RNLS: variants seen among roughly 807,000 people sequenced by gnomAD.
RNLS encodes renalase.
RNLS carries 39 observed loss-of-function variants against 39.8 expected under a neutral mutation model. That is an observed-to-expected ratio of 0.98 (90% CI 0.76 to 1.28). The LOEUF (loss-of-function observed/expected upper bound fraction) is 1.28, where lower values mean the gene tolerates loss of function less well. Ranked by LOEUF, RNLS falls within the 50% of genes most tolerant of loss-of-function variation. The pLI is 0.00. For missense variants in RNLS, 410 were observed against 413.3 expected (o/e 0.99, Z 0.07); for synonymous variants, 147 against 150.7 (o/e 0.98, Z 0.18).
At chr10:88,319,307 A>G (rs993149235) in intron 5 of RNLS, among the ~76,000 whole-genome samples, 1 of 152,244 alleles carries the variant, frequency 6.6e-6, no homozygotes, top group African/African-American at 2.4e-5. Flanking sequence ...AAATTAAAAA[A>G]TAAACGTGAC....
chr10:88,473,425 A>AACAC (rs112846794), intron 4 of RNLS, among the ~76,000 whole-genome samples: 39 of 150,582 alleles, frequency 2.6e-4, no homozygotes, highest in Admixed American at 5.3e-4. Context: ...TGGGTAGTAA[A>AACAC]ACACACACAC....
At chr10:88,412,868 GCTC>G (rs1171735874) in intron 4 of RNLS, among the ~76,000 whole-genome samples, 1 of 152,194 alleles carries the variant, frequency 6.6e-6, no homozygotes, top group African/African-American at 2.4e-5. Flanking sequence ...AATAGCAGAT[GCTC>G]CCTAAATATT....
intron 4 of RNLS, among the ~76,000 whole-genome samples, chr10:88,367,291 C>T (rs898607165): frequency 2.0e-5 from 3 of 152,002 alleles, no homozygotes; most frequent in Admixed American, 6.6e-5. Context: ...ATTACTTTAG[C>T]TGTTTTTGAA....
chr10:88,458,113 T>TTGGAA (rs1205929429), intron 4 of RNLS, among the ~76,000 whole-genome samples: 10 of 152,220 alleles, frequency 6.6e-5, no homozygotes, highest in Non-Finnish European at 1.3e-4. Context: ...AGGACATCCA[T>TTGGAA]CATGGGTTGG....
chr10:88,496,694 T>G (rs1448933111), intron 4 of RNLS, among the ~76,000 whole-genome samples: 1 of 152,100 alleles, frequency 6.6e-6, no homozygotes, highest in Non-Finnish European at 1.5e-5. Context: ...AACACTTGAT[T>G]TCATAGAGGA....
At chr10:88,421,023 C>T (rs1273362986) in intron 4 of RNLS, among the ~76,000 whole-genome samples, 1 of 152,198 alleles carries the variant, frequency 6.6e-6, no homozygotes, top group African/African-American at 2.4e-5. Flanking sequence ...ATGCTGAGAC[C>T]ACTGAGGAAC....
the RNLS span, among the ~76,000 whole-genome samples, chr10:88,207,405 G>C: frequency 0.01 from 1,546 of 152,084 alleles, 31 homozygotes; most frequent in African/African-American, 0.034. Context: ...TATATGAATA[G>C]CAAATAAACA....
intron 5 of RNLS, among the ~76,000 whole-genome samples, chr10:88,349,606 A>G (rs1344823482): frequency 6.6e-6 from 1 of 152,142 alleles, no homozygotes; most frequent in African/African-American, 2.4e-5. Context: ...CCTGGTCCCC[A>G]TATTTGGTTT....
At chr10:88,265,060 C>T in the RNLS span, among the ~76,000 whole-genome samples, 2 of 152,118 alleles carry the variant, frequency 1.3e-5, no homozygotes, top group African/African-American at 4.8e-5. Flanking sequence ...ATGTGGCTTG[C>T]CAATTAGCCC....
intron 5 of RNLS, among the ~76,000 whole-genome samples, chr10:88,354,316 G>A (rs1361252479): frequency 1.3e-5 from 2 of 152,156 alleles, no homozygotes; most frequent in Admixed American, 6.6e-5. Flanking sequence ...AGCATCAATG[G>A]TCTTTACAAT....
intron 5 of RNLS, among the ~76,000 whole-genome samples, chr10:88,330,499 A>G (rs1847032267): frequency 6.6e-6 from 1 of 152,150 alleles, no homozygotes; most frequent in African/African-American, 2.4e-5. Flanking sequence ...TTATAATTAA[A>G]TAATATAGGC....
the RNLS span, among the ~76,000 whole-genome samples, chr10:88,220,453 G>A: frequency 6.6e-6 from 1 of 152,160 alleles, no homozygotes; most frequent in African/African-American, 2.4e-5. Context: ...GCTTTCAGCT[G>A]CATGAAATAC....
chr10:88,277,326 G>A (rs925364445), intron 6 of RNLS, among the ~76,000 whole-genome samples: 1 of 152,010 alleles, frequency 6.6e-6, no homozygotes, highest in African/African-American at 2.4e-5. Context: ...GGTGCCTGCC[G>A]GGGAGGTGGG....
chr10:88,561,669 A>G (rs1044019117), intron 4 of RNLS, among the ~76,000 whole-genome samples: 1 of 152,270 alleles, frequency 6.6e-6, no homozygotes, highest in South Asian at 2.1e-4. Context: ...CAGGAAGTCA[A>G]GTATCTATTA....
chr10:88,498,687 C>T (rs1228133059), intron 4 of RNLS, among the ~76,000 whole-genome samples: 1 of 151,644 alleles, frequency 6.6e-6, no homozygotes, highest in Non-Finnish European at 1.5e-5. Context: ...TTTAAGAAGG[C>T]ACACAATGGA....
chr10:88,185,422 T>A, the RNLS span, among the ~76,000 whole-genome samples: 8 of 152,310 alleles, frequency 5.3e-5, no homozygotes, highest in Admixed American at 4.6e-4. Flanking sequence ...ATTGTTTTTT[T>A]AAATTCAATC....
intron 4 of RNLS, among the ~76,000 whole-genome samples, chr10:88,522,583 A>G (rs1846824720): frequency 1.3e-5 from 2 of 152,104 alleles, no homozygotes; most frequent in African/African-American, 2.4e-5. Flanking sequence ...ACACAGGGCA[A>G]TTATCTCTTC....
chr10:88,449,475 C>T (rs1293580793), intron 4 of RNLS, among the ~76,000 whole-genome samples: 3 of 152,204 alleles, frequency 2.0e-5, no homozygotes, highest in Non-Finnish European at 2.9e-5. Context: ...AATTTATAGC[C>T]TTCTCCTCTG....
chr10:88,195,386 C>T, the RNLS span, among the ~76,000 whole-genome samples: 2 of 152,154 alleles, frequency 1.3e-5, no homozygotes, highest in African/African-American at 2.4e-5. Context: ...AGTGGATAGA[C>T]AATACTGCTT....
Sources: allele counts gnomAD v4.1 joint callset (sites outside exome capture counted in the v4.1 genomes callset), GRCh38; gene constraint gnomAD v4.1.1; transcripts MANE v1.5; gene names NCBI Gene and HGNC (gene_info 2026-07-23, HGNC 2026-07-21).